PPP2R3A: variants seen among roughly 807,000 people sequenced by gnomAD.
PPP2R3A encodes serine/threonine-protein phosphatase 2A regulatory subunit B'' subunit alpha.
A neutral mutation model predicts 106.9 loss-of-function variants in PPP2R3A; 80 were observed. The ratio of observed to expected loss-of-function variants is 0.75; its 90% CI spans 0.62 to 0.90. The LOEUF (loss-of-function observed/expected upper bound fraction) is 0.90. Ranked by LOEUF, PPP2R3A falls within the 40% of genes least tolerant of loss-of-function variation. The pLI, the probability that PPP2R3A is intolerant of heterozygous loss-of-function variation, is 0.00. For synonymous variants in PPP2R3A, 483 were observed against 468.3 expected (o/e 1.03, Z -0.41); for missense variants, 1,386 against 1,350.4 (o/e 1.03, Z -0.41).
intron 2 of PPP2R3A, among the ~76,000 whole-genome samples, chr3:136,011,431 A>G (rs544540216): frequency 3.3e-5 from 5 of 152,152 alleles, no homozygotes; most frequent in African/African-American, 1.2e-4. Flanking sequence ...TTTTGTTTCT[A>G]TGTTATATTT....
At chr3:136,116,989 T>A (rs1437903750) in intron 13 of PPP2R3A, among the ~76,000 whole-genome samples, 1 of 152,192 alleles carries the variant, frequency 6.6e-6, no homozygotes, top group Non-Finnish European at 1.5e-5. Flanking sequence ...TAATTGGAAG[T>A]AAAGCACTCC....
At chr3:136,115,124 G>C (rs113733002) in intron 13 of PPP2R3A, among the ~76,000 whole-genome samples, 6,781 of 152,254 alleles carry the variant, frequency 0.045, 525 homozygotes, top group African/African-American at 0.15. Context: ...CCCAAGCAAA[G>C]AGTCTAGAGT....
intron 10 of PPP2R3A, among the ~76,000 whole-genome samples, chr3:136,092,158 G>A (rs1937108038): frequency 6.6e-6 from 1 of 152,046 alleles, no homozygotes; most frequent in African/African-American, 2.4e-5. Context: ...ATGAAACCCT[G>A]TCTCTACTAA....
Position 136,001,438 on chromosome 3 carries a change from GA to G in PPP2R3A, c.-59del. On this transcript the variant is annotated 5_prime_UTR_variant, in exon 2 of 14. Coordinates refer to ENST00000264977, the MANE Select transcript of PPP2R3A (RefSeq NM_002718.5). ...ATTTTCAGCTAACTGTCATTTAGGA[GA>G]ATTTTCATGAAACAAGTTCTAGAAA... The G allele has an allele frequency of 7.2e-7, 1 of 1,384,924 alleles. No individual in the cohort carries two copies. The highest frequency in any genetic ancestry group is 1.0e-6 in the Non-Finnish European group (1 of 1,002,200). The allele number at this position is 1,384,924 out of a possible 1,614,324, so 85.8% of individuals were successfully genotyped here.
At chr3:136,006,876 T>C (rs1421353146) in intron 2 of PPP2R3A, among the ~76,000 whole-genome samples, 1 of 152,238 alleles carries the variant, frequency 6.6e-6, no homozygotes, top group Non-Finnish European at 1.5e-5. Flanking sequence ...AACAGAACTT[T>C]CCTTCCTAGA....
At chr3:136,119,740 A>G (rs902776248) in intron 13 of PPP2R3A, among the ~76,000 whole-genome samples, 1 of 152,190 alleles carries the variant, frequency 6.6e-6, no homozygotes, top group African/African-American at 2.4e-5. Context: ...GAGAATAGGA[A>G]TGCTTTTACA....
intron 1 of PPP2R3A, among the ~76,000 whole-genome samples, chr3:135,973,658 A>T (rs1937309769): frequency 6.6e-6 from 1 of 152,178 alleles, no homozygotes. Flanking sequence ...CATAGTAGGA[A>T]ATTAAAAGGC....
In PPP2R3A at chr3:136,041,250, G is replaced by GTTTTTTT. The variant is rs1246326384; in HGVS notation, c.2366+293_2366+299dup. 4.2e-4 allele frequency among the ~76,000 whole-genome samples: 24 copies of GTTTTTTT among 56,564 alleles called. 1 individual carries two copies. Among genetic ancestry groups the GTTTTTTT allele is most frequent in the South Asian group, 1.3e-3 (2 of 1,594 alleles). 37.1% of individuals were successfully genotyped at this position (56,564 alleles called of 152,430 possible). On this transcript the variant is annotated intron_variant, in intron 4 of 13. Coordinates refer to ENST00000264977, the MANE Select transcript of PPP2R3A (RefSeq NM_002718.5). ...CTTGGTTTTTCTTGTTTTTTTTTTT[G>GTTTTTTT]TTTTTTTTTTTGTTTTTTTTTTTTT...
intron 13 of PPP2R3A, among the ~76,000 whole-genome samples, chr3:136,144,122 G>C (rs1467001104): frequency 1.3e-5 from 2 of 152,156 alleles, no homozygotes; most frequent in Non-Finnish European, 2.9e-5. Flanking sequence ...TCTGCCTAAA[G>C]CCAACCTTAG....
intron 7 of PPP2R3A, chr3:136,079,177 G>A (rs772631551): frequency 4.4e-6 from 2 of 454,896 alleles, no homozygotes; most frequent in Non-Finnish European, 8.8e-6. Context: ...AAAATTAGCA[G>A]TCCATGATGG....
At chr3:136,029,991 C>T (rs563523169) in intron 3 of PPP2R3A, among the ~76,000 whole-genome samples, 2 of 152,266 alleles carry the variant, frequency 1.3e-5, no homozygotes, top group African/African-American at 4.8e-5. Context: ...GCAGGAGAAT[C>T]GCTTGAGCCT....
intron 5 of PPP2R3A, among the ~76,000 whole-genome samples, chr3:136,058,807 C>T (rs938847313): frequency 5.3e-5 from 8 of 152,062 alleles, no homozygotes; most frequent in East Asian, 1.9e-4. Flanking sequence ...ATACATAGAC[C>T]AATGGAACAG....
intron 13 of PPP2R3A, among the ~76,000 whole-genome samples, chr3:136,130,272 G>A (rs143917773): frequency 0.011 from 1,730 of 152,238 alleles, 10 homozygotes; most frequent in Non-Finnish European, 0.014. Context: ...AAACCCCATC[G>A]TCTCAGCCAA....
chr3:136,006,711 C>T (rs539109442), intron 2 of PPP2R3A, among the ~76,000 whole-genome samples: 1 of 152,314 alleles, frequency 6.6e-6, no homozygotes, highest in East Asian at 1.9e-4. Flanking sequence ...CAAATCTTAA[C>T]ATTTTACTGT....
chr3:136,086,696 A>G (rs956059034), intron 8 of PPP2R3A, among the ~76,000 whole-genome samples: 5 of 152,086 alleles, frequency 3.3e-5, no homozygotes, highest in Admixed American at 6.5e-5. Context: ...GTTCAGCAAA[A>G]TATAGAAGGT....
At chr3:136,112,636 A>G (rs888623440) in intron 13 of PPP2R3A, among the ~76,000 whole-genome samples, 75 of 152,334 alleles carry the variant, frequency 4.9e-4, no homozygotes, top group Non-Finnish European at 3.2e-4. Flanking sequence ...CACAGACAAC[A>G]TTAAAAAATG....
At position 136,032,003 on chromosome 3, in the gene PPP2R3A, A is replaced by G. The variant is rs192375797; in HGVS notation, c.2262+4905A>G. Among the ~76,000 whole-genome samples the G allele has an allele frequency of 1.4e-4, 22 of 152,230 alleles. No homozygotes were observed. The East Asian group carries it at 3.5e-3, about 24-fold the overall frequency. ...GCCATGCGGGCTCTTTTTTGGTTCTATATGAATTTTAGAATTGTTTTTTCT... is the reference window on the plus strand; with the variant it reads ...GCCATGCGGGCTCTTTTTTGGTTCTGTATGAATTTTAGAATTGTTTTTTCT... On this transcript the variant is annotated intron_variant, in intron 3 of 13. Coordinates refer to ENST00000264977, the MANE Select transcript of PPP2R3A (RefSeq NM_002718.5).
intron 1 of PPP2R3A, among the ~76,000 whole-genome samples, chr3:135,967,318 G>A (rs1937117428): frequency 1.3e-5 from 2 of 152,168 alleles, no homozygotes; most frequent in Non-Finnish European, 2.9e-5. Context: ...TGGCTGTTGA[G>A]TTCAAAAATA....
intron 6 of PPP2R3A, among the ~76,000 whole-genome samples, chr3:136,076,661 C>T (rs572363636): frequency 6.6e-6 from 1 of 152,168 alleles, no homozygotes; most frequent in South Asian, 2.1e-4. Context: ...ATATAGAAAG[C>T]ACCGTGGCTG....
Sources: allele counts gnomAD v4.1 joint callset (sites outside exome capture counted in the v4.1 genomes callset), GRCh38; gene constraint gnomAD v4.1.1; transcripts MANE v1.5; gene names NCBI Gene and HGNC (gene_info 2026-07-23, HGNC 2026-07-21).